Variants in TSNAX observed in about 807,000 individuals in gnomAD.
The protein encoded by TSNAX is translin associated factor X.
Under a neutral mutation model 33.0 loss-of-function variants are expected in TSNAX, and 12 were observed. The ratio of observed to expected loss-of-function variants is 0.36; its 90% CI spans 0.23 to 0.59. TSNAX has a LOEUF of 0.59. Ranked by LOEUF, TSNAX falls within the 20% of genes least tolerant of loss-of-function variation. The pLI, the probability that TSNAX is intolerant of heterozygous loss-of-function variation, is 0.74. For missense variants in TSNAX, 267 were observed against 341.3 expected (o/e 0.78, Z 1.72); for synonymous variants, 110 against 117.2 (o/e 0.94, Z 0.40).
Position 231,542,610 on chromosome 1 carries a change from A to C in TSNAX, c.366A>C (p.Thr122=), listed in dbSNP as rs758353791. The change falls in exon 4 of 6, where the codon ACA becomes ACC. Residue 122 remains threonine (T), a splice_region_variant and synonymous_variant. Coordinates refer to ENST00000366639, the MANE Select transcript of TSNAX (RefSeq NM_005999.3). ...DMHQFHRAIT[T]GLQEYVEAVS... ...ATCAGTTCCATCGAGCCATTACTAC[A>C]GGTAAGTCTAGGTTTGTTTCAGGGT... 10 of 1,613,258 alleles carry C rather than the reference A, an allele frequency of 6.2e-6. No individual in the cohort carries two copies. The highest frequency in any genetic ancestry group is 8.5e-7 in the Non-Finnish European group (1 of 1,179,666).
At chr1:231,535,653 AATAG>A (rs923401212) in intron 2 of TSNAX, 10 of 152,226 alleles carry the variant, frequency 6.6e-5, no homozygotes, top group African/African-American at 1.9e-4. Flanking sequence ...AGTTATATGT[AATAG>A]ATAGAAACAA....
intron 2 of TSNAX, among the ~76,000 whole-genome samples, chr1:231,532,290 CAAGTGAT>C: frequency 6.6e-6 from 1 of 151,262 alleles, no homozygotes; most frequent in South Asian, 2.1e-4. Context: ...CTCTTGGGCT[CAAGTGAT>C]CCTCCCACCT....
chr1:231,555,505 A>G (rs1660628186), intron 4 of TSNAX, among the ~76,000 whole-genome samples: 1 of 152,224 alleles, frequency 6.6e-6, no homozygotes, highest in Non-Finnish European at 1.5e-5. Flanking sequence ...ATGGTTGTAC[A>G]ACATTATGAA....
At chr1:231,537,401 A>G (rs1659251933) in intron 3 of TSNAX, 74 bp downstream of exon 3, 1 of 983,788 alleles carries the variant, frequency 1.0e-6, no homozygotes, top group African/African-American at 1.7e-5. Flanking sequence ...TGTGAGGATT[A>G]GAAGACATCA....
intron 4 of TSNAX, among the ~76,000 whole-genome samples, chr1:231,552,244 G>A (rs550358092): frequency 2.9e-4 from 44 of 152,192 alleles, no homozygotes; most frequent in African/African-American, 9.2e-4. Context: ...AGCCAAGATC[G>A]TGCCACTGTA....
chr1:231,547,117 T>C (rs1177516984), intron 4 of TSNAX, among the ~76,000 whole-genome samples: 2 of 152,246 alleles, frequency 1.3e-5, no homozygotes, highest in Admixed American at 6.5e-5. Context: ...TATATGTCTG[T>C]TGATTGATTT....
intron 2 of TSNAX, chr1:231,536,413 C>G (rs1309332881): frequency 6.6e-6 from 1 of 152,066 alleles, no homozygotes; most frequent in East Asian, 1.9e-4. Flanking sequence ...AATTTGGTAG[C>G]TTTTTAAAAA....
chr1:231,546,782 C>T (rs976968606), intron 4 of TSNAX, among the ~76,000 whole-genome samples: 3 of 152,178 alleles, frequency 2.0e-5, no homozygotes, highest in African/African-American at 7.2e-5. Context: ...TAGTTATTCA[C>T]AGATCCATGC....
At chr1:231,549,648 G>A (rs951367835) in intron 4 of TSNAX, among the ~76,000 whole-genome samples, 2 of 152,202 alleles carry the variant, frequency 1.3e-5, no homozygotes. Context: ...GGGAGAAGTA[G>A]GAAAAGATAA....
At chr1:231,532,321 A>G (rs891253958) in intron 2 of TSNAX, among the ~76,000 whole-genome samples, 4 of 151,464 alleles carry the variant, frequency 2.6e-5, no homozygotes, top group Non-Finnish European at 5.9e-5. Context: ...CCTCCCAAGT[A>G]GCTGGGACTA....
At chr1:231,561,864 T>G (rs1661137334) in intron 5 of TSNAX, among the ~76,000 whole-genome samples, 1 of 152,170 alleles carries the variant, frequency 6.6e-6, no homozygotes, top group African/African-American at 2.4e-5. Flanking sequence ...TAATATACAT[T>G]ATATACAGCA....
At chr1:231,561,641 T>C (rs927865704) in intron 5 of TSNAX, among the ~76,000 whole-genome samples, 5 of 152,210 alleles carry the variant, frequency 3.3e-5, no homozygotes, top group African/African-American at 9.6e-5. Flanking sequence ...AGAGGTTAAG[T>C]AACTTGCCAG....
At chr1:231,529,012 G>A (rs536155325) in intron 1 of TSNAX, among the ~76,000 whole-genome samples, 186 bp downstream of exon 1, 41 of 152,208 alleles carry the variant, frequency 2.7e-4, no homozygotes, top group African/African-American at 9.6e-4. Flanking sequence ...TTAAATTTTT[G>A]AGGTGTGATT....
intron 3 of TSNAX, among the ~76,000 whole-genome samples, chr1:231,541,397 A>T (rs1014731266): frequency 1.3e-5 from 2 of 152,190 alleles, no homozygotes; most frequent in Non-Finnish European, 2.9e-5. Flanking sequence ...CCCAAGTTTC[A>T]GTTAACACAG....
chr1:231,541,124 A>G (rs1007308688), intron 3 of TSNAX, among the ~76,000 whole-genome samples: 2 of 152,176 alleles, frequency 1.3e-5, no homozygotes, highest in East Asian at 1.9e-4. Context: ...TAAATCTACC[A>G]TCTATTCTTC....
rs1451497711 is a variant in TSNAX at position 231,564,706 on chromosome 1, A to T, written c.674A>T (p.Tyr225Phe). The T allele has an allele frequency of 3.1e-6, 5 of 1,614,036 alleles. No individual in the cohort carries two copies. The part of the protein sequence containing the change: ...FEVSQFLRQV[Y>F]DGFSFIGNTG... The stretch of plus-strand genomic sequence containing the variant: ...GTGAGCCAGTTTTTACGTCAGGTTT[A>T]TGATGGGTTTTCATTCATTGGCAAC... Residue 225 changes from tyrosine to phenylalanine, a missense_variant, in exon 6 of 6, where the codon TAT becomes TTT. Physicochemically the swap from Tyr to Phe is conservative, Grantham distance 22. This residue lies in a region of TSNAX where 67 missense variants were observed against 127.2 expected (regional missense o/e 0.53). Coordinates refer to ENST00000366639, the MANE Select transcript of TSNAX (RefSeq NM_005999.3).
intron 2 of TSNAX, among the ~76,000 whole-genome samples, chr1:231,530,710 CA>C (rs59803472): frequency 0.057 from 4,200 of 73,210 alleles, 162 homozygotes; most frequent in African/African-American, 0.15. Context: ...GGCTCCGTCT[CA>C]AAAAAAAAAA....
chr1:231,540,003 G>T (rs1236141521), intron 3 of TSNAX, among the ~76,000 whole-genome samples: 2 of 152,012 alleles, frequency 1.3e-5, no homozygotes, highest in Non-Finnish European at 2.9e-5. Context: ...TGGCCAACAT[G>T]GCGAAACCCT....
At chr1:231,539,975 A>G (rs1398349097) in intron 3 of TSNAX, among the ~76,000 whole-genome samples, 1 of 152,146 alleles carries the variant, frequency 6.6e-6, no homozygotes, top group African/African-American at 2.4e-5. Flanking sequence ...ACTTGAGGTC[A>G]GGAGTTTGAG....
Sources: allele counts gnomAD v4.1 joint callset (sites outside exome capture counted in the v4.1 genomes callset), GRCh38; gene constraint gnomAD v4.1.1; regional missense constraint gnomAD v4.1.1; transcripts MANE v1.5; gene names NCBI Gene and HGNC (gene_info 2026-07-23, HGNC 2026-07-21).